The following CDH11 variants were observed in gnomAD, a reference collection of about 807,000 sequenced individuals.
CDH11 encodes the protein cadherin-11.
CDH11 carries 11 observed loss-of-function variants against 67.8 expected under a neutral mutation model. That is an observed-to-expected ratio of 0.16 (90% CI 0.10 to 0.27). CDH11 has a LOEUF of 0.27. Ranked by LOEUF, CDH11 falls within the 10% of genes least tolerant of loss-of-function variation. CDH11 has a pLI of 1.00. For missense variants in CDH11, 847 were observed against 1,031.2 expected, an observed-to-expected ratio of 0.82 and a Z score of 2.45; for synonymous variants, 419 against 400.0, an observed-to-expected ratio of 1.05 and a Z score of -0.57.
At chr16:64,987,379 G>A (rs1181191763) in intron 7 of CDH11, 3 of 152,132 alleles carry the variant, frequency 2.0e-5, no homozygotes, top group Admixed American at 2.0e-4. Context: ...TGGGTCAAAT[G>A]ATTTCATCTG....
intron 1 of CDH11, among the ~76,000 whole-genome samples, chr16:65,078,974 C>T (rs1463000288): frequency 6.6e-6 from 1 of 152,146 alleles, no homozygotes; most frequent in Non-Finnish European, 1.5e-5. Flanking sequence ...GTGAAATTAC[C>T]CCGGCCTAAT....
At chr16:65,037,369 G>A (rs1333860385) in intron 2 of CDH11, among the ~76,000 whole-genome samples, 3 of 152,172 alleles carry the variant, frequency 2.0e-5, no homozygotes, top group East Asian at 3.9e-4. Context: ...GCTGTGACCT[G>A]GACTCCATCA....
At chr16:64,996,594 T>C (rs2072772672) in intron 4 of CDH11, among the ~76,000 whole-genome samples, 1 of 152,108 alleles carries the variant, frequency 6.6e-6, no homozygotes, top group African/African-American at 2.4e-5. Flanking sequence ...CCTGCACTTG[T>C]ATATTTATTG....
At chr16:65,045,018 G>A (rs1420508049) in intron 2 of CDH11, among the ~76,000 whole-genome samples, 2 of 151,888 alleles carry the variant, frequency 1.3e-5, no homozygotes, top group Middle Eastern at 3.2e-3. Context: ...ACACTGTGTG[G>A]GGGCTGGCAC....
At chr16:65,093,544 T>A (rs551423282) in intron 1 of CDH11, among the ~76,000 whole-genome samples, 1 of 152,146 alleles carries the variant, frequency 6.6e-6, no homozygotes, top group East Asian at 1.9e-4. Flanking sequence ...TAGGGATTAT[T>A]TTTCGACATG....
chr16:64,953,190 G>A (rs2071409639), intron 11 of CDH11, among the ~76,000 whole-genome samples: 1 of 151,722 alleles, frequency 6.6e-6, no homozygotes, highest in African/African-American at 2.4e-5. Flanking sequence ...TTGGTTGGCT[G>A]AATTCACAAA....
intron 1 of CDH11, among the ~76,000 whole-genome samples, chr16:65,117,540 T>C (rs2075263003): frequency 6.6e-6 from 1 of 152,198 alleles, no homozygotes; most frequent in Admixed American, 6.5e-5. Flanking sequence ...CAATCTTGAA[T>C]TAAATTTTAC....
rs149458582 is a variant in CDH11 at position 64,945,316 on chromosome 16, AAAAG to A, written c.*2283_*2286del. On this transcript the variant is annotated 3_prime_UTR_variant, in exon 13 of 13. Coordinates refer to ENST00000268603, the MANE Select transcript of CDH11 (RefSeq NM_001797.4). ...AAATAAAAGGTAAAAAAAAAAAAAA[AAAAG>A]AAAAAGAAAAACAAGTATTCTTAAC... 63,359 of 607,154 alleles carry A rather than the reference AAAAG, an allele frequency of 0.1. 3,161 individuals are homozygous for A. The highest frequency in any genetic ancestry group is 0.16 in the Admixed American group (2,478 of 15,822). The allele number at this position is 607,154 out of a possible 1,614,324, so 37.6% of individuals were successfully genotyped here.
chr16:65,011,311 C>T (rs1481260488), intron 2 of CDH11, among the ~76,000 whole-genome samples: 1 of 151,960 alleles, frequency 6.6e-6, no homozygotes, highest in Non-Finnish European at 1.5e-5. Context: ...AAGTCCAGGT[C>T]CCCAATCTTG....
chr16:65,027,943 A>G (rs1567536192), intron 2 of CDH11, among the ~76,000 whole-genome samples: 1 of 152,228 alleles, frequency 6.6e-6, no homozygotes, highest in African/African-American at 2.4e-5. Flanking sequence ...AGAGAAAATA[A>G]CAGCTCCACA....
chr16:64,982,379 G>T, intron 7 of CDH11, 78 bp from the exon 8 acceptor site: 1 of 1,142,410 alleles, frequency 8.8e-7, no homozygotes, highest in Non-Finnish European at 1.3e-6. Flanking sequence ...TGTTTTATAG[G>T]GACGAGTGAA....
At chr16:65,086,376 G>A (rs1163681431) in intron 1 of CDH11, among the ~76,000 whole-genome samples, 3 of 152,118 alleles carry the variant, frequency 2.0e-5, no homozygotes, top group Non-Finnish European at 2.9e-5. Context: ...AAAGTGTGAG[G>A]GTGAGCTCAA....
At chr16:65,003,654 G>T (rs192326874) in intron 3 of CDH11, among the ~76,000 whole-genome samples, 6,634 of 152,102 alleles carry the variant, frequency 0.044, 488 homozygotes, top group African/African-American at 0.15. Context: ...AAACTCTCTT[G>T]AATTTGTATT....
chr16:64,979,929 C>T (rs1405848064), intron 8 of CDH11, among the ~76,000 whole-genome samples: 5 of 152,104 alleles, frequency 3.3e-5, no homozygotes, highest in African/African-American at 1.2e-4. Context: ...ATGTATGAAC[C>T]TCAAAATCAT....
At chr16:65,031,835 G>A (rs982943522) in intron 2 of CDH11, among the ~76,000 whole-genome samples, 3 of 152,128 alleles carry the variant, frequency 2.0e-5, no homozygotes, top group Non-Finnish European at 4.4e-5. Flanking sequence ...AAAATCAGCT[G>A]GGAGTCAATT....
rs989416139 is a variant in CDH11 at position 65,121,407 on chromosome 16, G to A, written c.-298+473C>T. Among the ~76,000 whole-genome samples the A allele has an allele frequency of 6.6e-6, 1 of 152,220 alleles. No homozygotes were observed. The highest frequency in any genetic ancestry group is 6.5e-5 in the Admixed American group (1 of 15,292). On this transcript the variant is annotated intron_variant, in intron 1 of 12. Transcript: ENST00000268603. The surrounding 1 kb of genome is among the most constrained non-coding windows in gnomAD (Gnocchi z 4.1). Reference sequence around the variant, plus strand: ...GGAGCTTTCGGCAGGGATCCGGGAGGATGGAGTAAGAACCCCGCAGAGCGC... The same window carrying A: ...GGAGCTTTCGGCAGGGATCCGGGAGAATGGAGTAAGAACCCCGCAGAGCGC...
intron 11 of CDH11, among the ~76,000 whole-genome samples, chr16:64,966,842 G>A (rs1194668003): frequency 6.6e-6 from 1 of 152,128 alleles, no homozygotes; most frequent in South Asian, 2.1e-4. Flanking sequence ...TATGCAGTAG[G>A]TATGGTAGGT....
At chr16:65,060,229 T>A (rs2074214210) in intron 1 of CDH11, among the ~76,000 whole-genome samples, 1 of 152,192 alleles carries the variant, frequency 6.6e-6, no homozygotes, top group South Asian at 2.1e-4. Context: ...TTTCCCTTGC[T>A]CCAAAGACTC....
chr16:65,006,258 G>A (rs929892692), intron 2 of CDH11, among the ~76,000 whole-genome samples: 12 of 152,150 alleles, frequency 7.9e-5, no homozygotes, highest in South Asian at 2.1e-4. Context: ...CATTGATATT[G>A]AGGATAACAT....
Sources: allele counts gnomAD v4.1 joint callset (sites outside exome capture counted in the v4.1 genomes callset), GRCh38; gene constraint gnomAD v4.1.1; non-coding constraint Gnocchi (gnomAD v3.1); transcripts MANE v1.5; gene names NCBI Gene and HGNC (gene_info 2026-07-23, HGNC 2026-07-21).